IQCJ: variants seen among roughly 807,000 people sequenced by gnomAD.
The protein encoded by IQCJ is IQ domain-containing protein J.
A neutral mutation model predicts 11.0 loss-of-function variants in IQCJ; 9 were observed. The observed-to-expected ratio is 0.82, with a 90% CI of 0.49 to 1.43. The LOEUF is 1.43. Ranked by LOEUF, IQCJ falls within the 40% of genes most tolerant of loss-of-function variation. The probability of loss-of-function intolerance (pLI) is 0.00; values close to 1 mark genes in which losing one functional copy is unlikely to be tolerated. For missense variants in IQCJ, 146 were observed against 133.2 expected, an observed-to-expected ratio of 1.10 and a Z score of -0.47; for synonymous variants, 55 against 51.3, an observed-to-expected ratio of 1.07 and a Z score of -0.31.
chr3:159,104,318 T>C (rs1318606045), intron 1 of IQCJ, among the ~76,000 whole-genome samples: 1 of 152,212 alleles, frequency 6.6e-6, no homozygotes. Flanking sequence ...CTTGTGAGTT[T>C]ATTTTCTTCT....
chr3:159,094,168 T>A (rs1418945591), intron 1 of IQCJ, among the ~76,000 whole-genome samples: 1 of 151,746 alleles, frequency 6.6e-6, no homozygotes, highest in Non-Finnish European at 1.5e-5. Flanking sequence ...TCATTCACAA[T>A]AATGGATTGA....
intron 1 of IQCJ, among the ~76,000 whole-genome samples, chr3:159,130,423 G>A (rs969630759): frequency 4.6e-5 from 7 of 152,098 alleles, no homozygotes; most frequent in African/African-American, 1.7e-4. Context: ...AGATCTCTAA[G>A]GGGCAAAAGA....
downstream of IQCJ, chr3:159,265,232 T>G: frequency 6.2e-7 from 1 of 1,613,702 alleles, no homozygotes; most frequent in South Asian, 1.1e-5. Flanking sequence ...GGGCCCCTGT[T>G]GGGAAGATTC....
At chr3:159,214,228 G>A (rs1478778664) in intron 1 of IQCJ, among the ~76,000 whole-genome samples, 1 of 152,030 alleles carries the variant, frequency 6.6e-6, no homozygotes, top group Non-Finnish European at 1.5e-5. Flanking sequence ...TCTTATAAAT[G>A]ACACCATTAT....
chr3:159,254,905 C>T (rs1727805561), intron 3 of IQCJ, among the ~76,000 whole-genome samples: 1 of 152,204 alleles, frequency 6.6e-6, no homozygotes, highest in African/African-American at 2.4e-5. Flanking sequence ...CCTGTAATCC[C>T]CCCAATAGTA....
At chr3:159,250,347 A>G (rs13083138) in intron 2 of IQCJ, among the ~76,000 whole-genome samples, 13,836 of 152,214 alleles carry the variant, frequency 0.091, 891 homozygotes, top group Non-Finnish European at 0.13. Flanking sequence ...CCTACAATAT[A>G]TAACTTTATT....
chr3:159,119,658 G>A (rs184974947), intron 1 of IQCJ, among the ~76,000 whole-genome samples: 1 of 152,204 alleles, frequency 6.6e-6, no homozygotes, highest in Non-Finnish European at 1.5e-5. Context: ...AGGATCTTCA[G>A]AATGTTGTCA....
At chr3:159,111,968 G>T (rs1577015291) in intron 1 of IQCJ, among the ~76,000 whole-genome samples, 2 of 151,778 alleles carry the variant, frequency 1.3e-5, no homozygotes, top group South Asian at 4.2e-4. Context: ...CCCCGCAATT[G>T]TCTGAAAGCT....
At chr3:159,143,955 G>T (rs1720771247) in intron 1 of IQCJ, among the ~76,000 whole-genome samples, 2 of 152,164 alleles carry the variant, frequency 1.3e-5, no homozygotes, top group South Asian at 4.1e-4. Context: ...CCTCCTGAGG[G>T]GTTCAATGTT....
chr3:159,167,366 C>T (rs1012523648), intron 1 of IQCJ, among the ~76,000 whole-genome samples: 9 of 152,060 alleles, frequency 5.9e-5, no homozygotes, highest in South Asian at 4.2e-4. Flanking sequence ...AAATTGGAAC[C>T]GAGAACTTTC....
intron 1 of IQCJ, among the ~76,000 whole-genome samples, chr3:159,113,304 G>T (rs1334249460): frequency 2.6e-5 from 4 of 152,176 alleles, no homozygotes. Flanking sequence ...ATAATTAAAA[G>T]AAAAACAGAA....
chr3:159,245,508 C>A (rs1727215255), intron 1 of IQCJ, among the ~76,000 whole-genome samples: 2 of 140,406 alleles, frequency 1.4e-5, no homozygotes, highest in Non-Finnish European at 3.0e-5. Context: ...GTCGCCCAGG[C>A]TGGAGTGCAG....
At chr3:159,190,363 G>C (rs1340440244) in intron 1 of IQCJ, among the ~76,000 whole-genome samples, 1 of 152,154 alleles carries the variant, frequency 6.6e-6, no homozygotes, top group Non-Finnish European at 1.5e-5. Flanking sequence ...CTTCTGCCAG[G>C]GCATGTTTAA....
At chr3:159,245,794 C>T (rs779600609) in intron 1 of IQCJ, 49 bp from the exon 2 acceptor site, 167 of 1,449,278 alleles carry the variant, frequency 1.2e-4, no homozygotes, top group African/African-American at 1.4e-4. Flanking sequence ...TAGCATTGCT[C>T]GGAAGTAGCT....
chr3:159,217,850 A>G (rs1259957035), intron 1 of IQCJ, among the ~76,000 whole-genome samples: 1 of 152,024 alleles, frequency 6.6e-6, no homozygotes. Flanking sequence ...GTAACCACCT[A>G]TGGGCTCGCA....
At chr3:159,104,939 G>A (rs1718158619) in intron 1 of IQCJ, among the ~76,000 whole-genome samples, 1 of 152,164 alleles carries the variant, frequency 6.6e-6, no homozygotes. Context: ...CAAGTGCCTG[G>A]CTCATGTCTG....
chr3:159,084,331 G>A (rs1008906101), intron 1 of IQCJ, among the ~76,000 whole-genome samples: 3 of 152,062 alleles, frequency 2.0e-5, no homozygotes, highest in African/African-American at 7.2e-5. Context: ...GAAGCTAGAA[G>A]TCTAGTAGCA....
At chr3:159,087,135 T>C (rs1431385857) in intron 1 of IQCJ, among the ~76,000 whole-genome samples, 1 of 152,234 alleles carries the variant, frequency 6.6e-6, no homozygotes, top group Non-Finnish European at 1.5e-5. Flanking sequence ...GAAGGGTTGT[T>C]GAATTTTGCC....
intron 1 of IQCJ, among the ~76,000 whole-genome samples, chr3:159,234,168 T>A (rs748620891): frequency 6.6e-6 from 1 of 152,202 alleles, no homozygotes; most frequent in Non-Finnish European, 1.5e-5. Flanking sequence ...CTTATTCTCC[T>A]AGGTATGTTT....
Sources: allele counts gnomAD v4.1 joint callset (sites outside exome capture counted in the v4.1 genomes callset), GRCh38; gene constraint gnomAD v4.1.1; transcripts MANE v1.5; gene names NCBI Gene and HGNC (gene_info 2026-07-23, HGNC 2026-07-21).